Variants in TAF1C observed in about 807,000 individuals in gnomAD.
The protein encoded by TAF1C is TATA box-binding protein-associated factor RNA polymerase I subunit C.
Under a neutral mutation model 70.5 loss-of-function variants are expected in TAF1C, and 79 were observed. That is an observed-to-expected ratio of 1.12 (90% CI 0.93 to 1.35). The LOEUF (loss-of-function observed/expected upper bound fraction) is 1.35, where lower values mean the gene tolerates loss of function less well. TAF1C is among the 40% of genes most tolerant of loss of function. TAF1C has a pLI of 0.00. For missense variants in TAF1C, 1,412 were observed against 1,127.8 expected (o/e 1.25, Z -3.61); for synonymous variants, 614 against 491.1 (o/e 1.25, Z -3.31).
Position 84,182,047 on chromosome 16 carries a change from CCT to C in TAF1C, c.731_732del (p.Glu244GlyfsTer7). On this transcript the variant is annotated frameshift_variant, in exon 8 of 15. Coordinates refer to ENST00000566732, the MANE Select transcript of TAF1C (RefSeq NM_001243156.2). LOFTEE classifies it high-confidence loss of function. The surrounding 1 kb of genome is among the most constrained non-coding windows in gnomAD (Gnocchi z 5.0). ...GGATTGTCACCTGGGGTCAGAACGA[CCT>C]CTTGGAAATCTGGGCCTCTCACTAA... is the stretch of plus-strand genomic sequence containing the variant. Reference protein sequence around the residue: ...GGAQDRLHFQEVVLTPGDNPQ... With the variant: ...GGAQDRLHFQXVVLTPGDNPQ... 6.2e-7 allele frequency: 1 copy of C among 1,613,180 alleles called. No homozygotes were observed. The highest frequency in any genetic ancestry group is 1.1e-5 in the South Asian group (1 of 91,080).
chr16:84,184,819 G>C, intron 2 of TAF1C, 32 bp downstream of exon 2: 1 of 1,572,716 alleles, frequency 6.4e-7, no homozygotes, highest in Non-Finnish European at 8.6e-7. Context: ...GATGTCCCTG[G>C]AGCTGCCAGG....
chr16:84,179,927 A>G lies in TAF1C; in HGVS notation c.1621+19T>C. 2 of 1,595,340 alleles carry G rather than the reference A, an allele frequency of 1.3e-6. No individual in the cohort carries two copies. Among genetic ancestry groups the G allele is most frequent in the African/African-American group, 1.4e-5 (1 of 73,566 alleles). ...GTTTTCCACTGCGCCCCCCAAGCTC[A>G]CTCCCCCACCCAGCACACCTATGGT... On this transcript the variant is annotated intron_variant, in intron 14 of 14. Transcript: ENST00000566732.
chr16:84,181,015 G>A (rs1176359390), intron 12 of TAF1C, 28 bp downstream of exon 12: 13 of 1,582,184 alleles, frequency 8.2e-6, no homozygotes, highest in Non-Finnish European at 1.1e-5. Context: ...AGCAGAGGTG[G>A]GGCGGGGCGG....
Position 84,184,853 on chromosome 16 carries a change from C to CT in TAF1C, c.135dup (p.Glu46ArgfsTer60), listed in dbSNP as rs764811536. On this transcript the variant is annotated frameshift_variant, in exon 2 of 15. Transcript: ENST00000566732. LOFTEE classifies it high-confidence loss of function. Reference sequence around the variant, plus strand: ...GGGCCCCCTGCCTGCATCCTCACCTCTGAGTTCTGGGGCTGGGCCTCTGGC... The same window carrying CT: ...GGGCCCCCTGCCTGCATCCTCACCTCTTGAGTTCTGGGGCTGGGCCTCTGGC... 7.5e-6 allele frequency: 12 copies of CT among 1,603,652 alleles called. No individual in the cohort carries two copies. Among genetic ancestry groups the CT allele is most frequent in the Middle Eastern group, 1.7e-4 (1 of 6,052 alleles).
Position 84,179,136 on chromosome 16 carries a change from C to T in TAF1C, c.2337G>A (p.Gln779=), listed in dbSNP as rs1455589930. 3 of 1,608,466 alleles carry T rather than the reference C, an allele frequency of 1.9e-6. No individual in the cohort carries two copies. Among genetic ancestry groups the T allele is most frequent in the Admixed American group, 1.7e-5 (1 of 59,918 alleles). ...SQELTPDACA[Q]GVPSEQRQML... ...TCTGCCGCTGCTCTGATGGGACGCCCTGGGCGCATGCATCCGGAGTCAACT... is the reference window on the plus strand; with the variant it reads ...TCTGCCGCTGCTCTGATGGGACGCCTTGGGCGCATGCATCCGGAGTCAACT... The change falls in exon 15 of 15, where the codon CAG becomes CAA. Residue 779 remains glutamine, a synonymous_variant. Coordinates refer to ENST00000566732, the MANE Select transcript of TAF1C (RefSeq NM_001243156.2).
intron 2 of TAF1C, 26 bp downstream of exon 2, chr16:84,184,825 C>G (rs1216098017): frequency 3.2e-6 from 5 of 1,579,292 alleles, no homozygotes; most frequent in Admixed American, 3.7e-5. Context: ...CCTGGAGCTG[C>G]CAGGGCCCCC....
chr16:84,179,923 G>A lies in TAF1C; in HGVS notation c.1621+23C>T, dbSNP rs374766366. On this transcript the variant is annotated intron_variant, in intron 14 of 14. Transcript: ENST00000566732. ...GGATGTTTTCCACTGCGCCCCCCAAGCTCACTCCCCCACCCAGCACACCTA... is the reference window on the plus strand; with the variant it reads ...GGATGTTTTCCACTGCGCCCCCCAAACTCACTCCCCCACCCAGCACACCTA... 5 of 1,596,550 alleles carry A rather than the reference G, an allele frequency of 3.1e-6. No individual in the cohort carries two copies. In the East Asian group the frequency reaches 1.1e-4, roughly 36 times the overall value.
rs1284230949 is a variant in TAF1C at position 84,180,083 on chromosome 16, C to A, written c.1484G>T (p.Gly495Val). 3 of 1,593,106 alleles carry A rather than the reference C, an allele frequency of 1.9e-6. No homozygotes were observed. The highest frequency in any genetic ancestry group is 2.6e-6 in the Non-Finnish European group (3 of 1,171,528). Reference protein sequence around the residue: ...GGQLQLLHLAGEGASVPRLAG... With the variant: ...GGQLQLLHLAVEGASVPRLAG... ...CAGGCGGGGCACCGACGCCCCTTCT[C>A]CTGAGGAAGGACAGACAGCTGAGGC... The change falls in exon 14 of 15, where the codon GGA becomes GTA. Residue 495 changes from glycine to valine, a missense_variant and splice_region_variant. Transcript: ENST00000566732.
chr16:84,180,479 T>C lies in TAF1C; in HGVS notation c.1309-135A>G, dbSNP rs992340626. On this transcript the variant is annotated intron_variant, in intron 12 of 14. Coordinates refer to ENST00000566732, the MANE Select transcript of TAF1C (RefSeq NM_001243156.2). ...GCAGCATCTCCCATCAGCCTCCACG[T>C]GCCTCTCAGACTTCACCTGCCAGCC... 30 of 935,932 alleles carry C rather than the reference T, an allele frequency of 3.2e-5. No homozygotes were observed. The South Asian group carries it at 4.8e-4, about 15-fold the overall frequency. The allele number at this position is 935,932 out of a possible 1,614,324, so 58.0% of individuals were successfully genotyped here.
rs749867188 is a variant in TAF1C at position 84,181,735 on chromosome 16, AC to A, written c.956+10del. The A allele has an allele frequency of 3.7e-6, 6 of 1,612,778 alleles. No homozygotes were observed. The highest frequency in any genetic ancestry group is 3.4e-6 in the Non-Finnish European group (4 of 1,179,526). ...CAGCCCCTCCTCACCGACCAACCTG[AC>A]CCCCCTCACCTGAGGCTGATCCCCG... On this transcript the variant is annotated intron_variant, in intron 9 of 14. Transcript: ENST00000566732.
chr16:84,185,294 G>A (rs576958106), intron 1 of TAF1C: 84 of 251,262 alleles, frequency 3.3e-4, no homozygotes, highest in Non-Finnish European at 5.3e-4. Flanking sequence ...GTGAAGGAGA[G>A]AACCATGTAC....
Position 84,183,774 on chromosome 16 carries a change from C to T in TAF1C, c.143G>A (p.Gly48Glu). The T allele has an allele frequency of 6.2e-7, 1 of 1,610,184 alleles. No homozygotes were observed. Among genetic ancestry groups the T allele is most frequent in the South Asian group, 1.1e-5 (1 of 90,774 alleles). ...PEAQPQNSENGALHVTKDLLW... is the reference protein window; with the variant it reads ...PEAQPQNSENEALHVTKDLLW... ...CAGGTCCTTGGTCACATGCAGTGCC[C>T]CATTCTGAAGGGAGGACAATCGCAA... The change falls in exon 3 of 15, where the codon GGG becomes GAG. Residue 48 changes from glycine to glutamate, a missense_variant. Coordinates refer to ENST00000566732, the MANE Select transcript of TAF1C (RefSeq NM_001243156.2).
Position 84,180,334 on chromosome 16 carries a change from TAG to T in TAF1C, c.1317_1318del (p.Tyr440ProfsTer86). On this transcript the variant is annotated frameshift_variant, in exon 13 of 15. Coordinates refer to ENST00000566732, the MANE Select transcript of TAF1C (RefSeq NM_001243156.2). LOFTEE classifies it high-confidence loss of function. ...CAGGGGAAGGCGCTCGTCCACTAGG[TAG>T]AGAGAGAACTGGGGCCCGAGAAGGA... 6.5e-7 allele frequency: 1 copy of T among 1,542,470 alleles called. No homozygotes were observed. Among genetic ancestry groups the T allele is most frequent in the Non-Finnish European group, 8.7e-7 (1 of 1,146,212 alleles).
intron 2 of TAF1C, 41 bp downstream of exon 2, chr16:84,184,810 A>T: frequency 6.4e-7 from 1 of 1,557,480 alleles, no homozygotes; most frequent in Non-Finnish European, 8.7e-7. Flanking sequence ...CAGGGAAGGG[A>T]TGTCCCTGGA....
rs2089088380 is a variant in TAF1C, at chr16:84,180,417, T to A, written c.1309-73A>T. ...CTGTGTAGTGGCCCTCCAGGCCCCA[T>A]GTGGCTCTCCAGGTGAGTGCAGAGC... On this transcript the variant is annotated intron_variant, in intron 12 of 14. Transcript: ENST00000566732. The A allele has an allele frequency of 5.5e-6, 8 of 1,457,028 alleles. No homozygotes were observed. The South Asian group carries it at 1.0e-4, about 19-fold the overall frequency. The allele number at this position is 1,457,028 out of a possible 1,614,324, so 90.3% of individuals were successfully genotyped here.
At chr16:84,183,616 A>T (rs1489426242) in intron 3 of TAF1C, 81 bp downstream of exon 3, 3 of 1,546,168 alleles carry the variant, frequency 1.9e-6, no homozygotes, top group Non-Finnish European at 2.7e-6. Context: ...CTTAGCAGGG[A>T]GAGGAAGGTC....
chr16:84,181,497 C>T (rs757306254), intron 10 of TAF1C, 34 bp from the exon 11 acceptor site: 8 of 1,613,640 alleles, frequency 5.0e-6, no homozygotes, highest in Non-Finnish European at 6.8e-6. Context: ...GGCAGGGGGA[C>T]AGGCTGATGG....
intron 12 of TAF1C, 169 bp from the exon 13 acceptor site, chr16:84,180,513 G>T (rs2089099492): frequency 2.3e-5 from 16 of 707,348 alleles, no homozygotes; most frequent in Non-Finnish European, 3.1e-5. Context: ...CCCTGAACAG[G>T]TGCCGCTTCC....
intron 1 of TAF1C, chr16:84,185,541 A>G (rs890365379): frequency 3.3e-5 from 5 of 152,318 alleles, no homozygotes; most frequent in African/African-American, 1.2e-4. Flanking sequence ...GCATCTGAGC[A>G]TCGTCTTCCT....
Sources: allele counts gnomAD v4.1 joint callset, GRCh38; gene constraint gnomAD v4.1.1; non-coding constraint Gnocchi (gnomAD v3.1); transcripts MANE v1.5; gene names NCBI Gene and HGNC (gene_info 2026-07-23, HGNC 2026-07-21).